XPNPEP1: variants seen among roughly 807,000 people sequenced by gnomAD.
XPNPEP1 encodes X-prolyl aminopeptidase 1, also known as xaa-Pro aminopeptidase 1.
XPNPEP1 carries 39 observed loss-of-function variants against 92.4 expected under a neutral mutation model. The ratio of observed to expected loss-of-function variants is 0.42; its 90% confidence interval spans 0.33 to 0.55. XPNPEP1 has a LOEUF of 0.55. Among genes scored for constraint, XPNPEP1 ranks in the 20% least tolerant of loss-of-function variants. XPNPEP1 has a pLI of 0.08. For missense variants in XPNPEP1, 654 were observed against 856.1 expected, an observed-to-expected ratio of 0.76 and a Z score of 2.95; for synonymous variants, 307 against 299.4, an observed-to-expected ratio of 1.03 and a Z score of -0.26.
intron 3 of XPNPEP1, among the ~76,000 whole-genome samples, chr10:109,899,527 G>A (rs1200045995): frequency 3.3e-5 from 5 of 152,182 alleles, no homozygotes; most frequent in African/African-American, 9.7e-5. Flanking sequence ...CTGAAACTTC[G>A]AGATGTGTTA....
intron 8 of XPNPEP1, 121 bp from the exon 9 acceptor site, chr10:109,884,269 G>A: frequency 7.7e-6 from 7 of 912,580 alleles, no homozygotes; most frequent in South Asian, 1.7e-5. Context: ...CAGTGGAATC[G>A]CACAGAAAGG....
chr10:109,883,924 G>A, intron 9 of XPNPEP1, 143 bp downstream of exon 9: 1 of 737,840 alleles, frequency 1.4e-6, no homozygotes, highest in Non-Finnish European at 2.2e-6. Context: ...AGGAAAACAA[G>A]AAGGGAAAAT....
Position 109,880,206 on chromosome 10 carries a change from A to T in XPNPEP1, c.1164T>A (p.Phe388Leu). Residue 388 changes from phenylalanine to leucine, a missense_variant, in exon 12 of 21, where the codon TTT (phenylalanine) becomes TTA (leucine). By Grantham distance (22) the Phe-to-Leu change is conservative (BLOSUM62 0). Coordinates refer to ENST00000502935, the MANE Select transcript of XPNPEP1 (RefSeq NM_020383.4). ...AACCAACCTCTTTCTCCAGCCAGTT[A>T]AAGAGTTCACAGAGAGCAACAGCAT... ...IKDAVALCEL[F>L]NWLEKEVPKG... 1 of 1,614,060 alleles carries T rather than the reference A, an allele frequency of 6.2e-7. No individual in the cohort carries two copies. Among genetic ancestry groups the T allele is most frequent in the East Asian group, 2.2e-5 (1 of 44,892 alleles).
At chr10:109,892,722 T>C (rs137998045) in intron 4 of XPNPEP1, 305 of 362,230 alleles carry the variant, frequency 8.4e-4, no homozygotes, top group East Asian at 5.9e-3. Context: ...GTTTAATTGA[T>C]AGAACTTTTA....
rs1847064156 is a variant in XPNPEP1 at position 109,865,186 on chromosome 10, A to C, written c.1999T>G (p.Ter667GluextTer1). The change falls in exon 21 of 21, where the codon TAA becomes GAA. Residue 667 changes from the stop codon to glutamate, a stop_lost. Coordinates refer to ENST00000502935, the MANE Select transcript of XPNPEP1 (RefSeq NM_020383.4). ...AAACAAAACCGGGGAGGTATTTATT[A>C]ATGCTGTTTGGAGATGGGTTGCGTC... ...RETQPISKQH[*>E] The C allele has an allele frequency of 6.2e-7, 1 of 1,614,140 alleles. No individual in the cohort carries two copies.
chr10:109,873,242 C>A, intron 16 of XPNPEP1, 125 bp downstream of exon 16: 1 of 1,115,394 alleles, frequency 9.0e-7, no homozygotes, highest in Non-Finnish European at 1.3e-6. Context: ...CCTGACTCCA[C>A]AGCAAGGAGC....
Position 109,893,014 on chromosome 10 carries a change from G to GAGACAAATC in XPNPEP1, c.307_308insGATTTGTCT (p.Ala103delinsGlyPheValSer). 6.2e-7 allele frequency: 1 copy of GAGACAAATC among 1,613,438 alleles called. No individual in the cohort carries two copies. Among genetic ancestry groups the GAGACAAATC allele is most frequent in the Non-Finnish European group, 8.5e-7 (1 of 1,179,706 alleles). On this transcript the variant is annotated protein_altering_variant, in exon 4 of 21. Coordinates refer to ENST00000502935, the MANE Select transcript of XPNPEP1 (RefSeq NM_020383.4). ...ACAGAGAAAAAGTAGTGACTCACCC[G>GAGACAAATC]CAGAGCCATCGAATCCAGAGACAAA...
chr10:109,914,999 C>T lies in XPNPEP1; in HGVS notation c.121+12G>A. Reference sequence around the variant, plus strand: ...ACAGATGTTCCATCTAATTTCCAGACAAAATTATTACCTGTTTCCACACCT... The same window carrying T: ...ACAGATGTTCCATCTAATTTCCAGATAAAATTATTACCTGTTTCCACACCT... On this transcript the variant is annotated intron_variant, in intron 2 of 20. Transcript: ENST00000502935. 6.7e-7 allele frequency: 1 copy of T among 1,499,622 alleles called. No individual in the cohort carries two copies. The highest frequency in any genetic ancestry group is 1.3e-5 in the South Asian group (1 of 78,568). 92.9% of individuals were successfully genotyped at this position (1,499,622 alleles called of 1,614,324 possible). A position where few individuals can be genotyped will look rare whatever the true frequency, so the allele number is the denominator to read the frequency against.
intron 3 of XPNPEP1, among the ~76,000 whole-genome samples, chr10:109,902,854 T>C (rs1849358322): frequency 6.6e-6 from 1 of 152,244 alleles, no homozygotes; most frequent in South Asian, 2.1e-4. Context: ...AATTCTGATA[T>C]TGCAGGATCA....
At chr10:109,914,583 G>A (rs776774131) in intron 2 of XPNPEP1, among the ~76,000 whole-genome samples, 1 of 152,122 alleles carries the variant, frequency 6.6e-6, no homozygotes, top group African/African-American at 2.4e-5. Flanking sequence ...GATCACCTGA[G>A]GTCGGGAGTT....
At chr10:109,917,657 C>T (rs1050192508) in intron 1 of XPNPEP1, among the ~76,000 whole-genome samples, 1 of 152,100 alleles carries the variant, frequency 6.6e-6, no homozygotes, top group Admixed American at 6.6e-5. Flanking sequence ...TGCAAGGGAC[C>T]CAGAATAGCC....
At chr10:109,904,746 C>G (rs1849464024) in intron 3 of XPNPEP1, among the ~76,000 whole-genome samples, 4 of 152,026 alleles carry the variant, frequency 2.6e-5, no homozygotes, top group African/African-American at 9.7e-5. Flanking sequence ...CACCTCACAA[C>G]AAAACAAAAA....
intron 2 of XPNPEP1, among the ~76,000 whole-genome samples, chr10:109,908,476 C>A (rs1392342360): frequency 6.6e-6 from 1 of 152,146 alleles, no homozygotes; most frequent in Non-Finnish European, 1.5e-5. Context: ...GTGGCACGTG[C>A]CTGTAGTCCC....
At chr10:109,874,986 A>G (rs1276341617) in intron 15 of XPNPEP1, among the ~76,000 whole-genome samples, 1 of 152,172 alleles carries the variant, frequency 6.6e-6, no homozygotes, top group Non-Finnish European at 1.5e-5. Context: ...TAATGCAGAC[A>G]GGGTCTATTC....
chr10:109,899,414 G>A (rs1384605749), intron 3 of XPNPEP1, among the ~76,000 whole-genome samples: 2 of 152,150 alleles, frequency 1.3e-5, no homozygotes, highest in Admixed American at 1.3e-4. Flanking sequence ...CTAGATCCCT[G>A]AATCACTTTC....
Position 109,888,509 on chromosome 10 carries a change from G to C in XPNPEP1, c.502C>G (p.Pro168Ala), listed in dbSNP as rs781523374. The change falls in exon 6 of 21, where the codon CCT (proline) becomes GCT (alanine). Residue 168 changes from proline to alanine, a missense_variant. Physicochemically the swap from Pro to Ala is conservative, Grantham distance 27. Coordinates refer to ENST00000502935, the MANE Select transcript of XPNPEP1 (RefSeq NM_020383.4). ...SRVGVDPLII[P>A]TDYWKKMAKV... The stretch of plus-strand genomic sequence containing the variant: ...AGGGACCAAGCTCACTTACCTGTAG[G>C]AATGATCAAGGGGTCCACACCAACC... 1.2e-6 allele frequency: 2 copies of C among 1,610,012 alleles called. No homozygotes were observed. Among genetic ancestry groups the C allele is most frequent in the African/African-American group, 1.3e-5 (1 of 74,812 alleles).
In XPNPEP1 at chr10:109,888,380, C is replaced by T. The variant is rs1325684334; in HGVS notation, c.508+123G>A. ...GGAACTCTTCTCTTCACCCTGACCT[C>T]TACTATAAAATCAGTCATGCTGAGC... On this transcript the variant is annotated intron_variant, in intron 6 of 20. Transcript: ENST00000502935. 6 of 1,237,904 alleles carry T rather than the reference C, an allele frequency of 4.8e-6. No homozygotes were observed. In the African/African-American group the frequency reaches 7.6e-5, roughly 16 times the overall value. 76.7% of individuals were successfully genotyped at this position (1,237,904 alleles called of 1,614,324 possible).
At chr10:109,922,401 C>G (rs527443522) in intron 1 of XPNPEP1, among the ~76,000 whole-genome samples, 42 of 152,352 alleles carry the variant, frequency 2.8e-4, no homozygotes, top group Admixed American at 1.2e-3. Flanking sequence ...CAGCACTTCA[C>G]TTACAGGAAG....
In XPNPEP1 at chr10:109,867,750, C is replaced by T. The variant is rs1214961982; in HGVS notation, c.1872+864G>A. 2.6e-5 allele frequency among the ~76,000 whole-genome samples: 4 copies of T among 152,234 alleles called. No homozygotes were observed. The highest frequency in any genetic ancestry group is 6.5e-5 in the Admixed American group (1 of 15,288). On this transcript the variant is annotated intron_variant, in intron 20 of 20. Coordinates refer to ENST00000502935, the MANE Select transcript of XPNPEP1 (RefSeq NM_020383.4). The surrounding 1 kb of genome is among the most constrained non-coding windows in gnomAD (Gnocchi z 4.5). ...TATTCTTATTCCGAGAGTAACCCAC[C>T]GTGCTTACCCTGCCTTCGGCTCCCA...
Sources: gnomAD v4.1 joint callset for allele counts (sites outside exome capture counted in the v4.1 genomes callset) on GRCh38, gnomAD v4.1.1 for gene constraint, Gnocchi (gnomAD v3.1) non-coding constraint, MANE v1.5 for transcripts, NCBI Gene and HGNC (gene_info 2026-07-23, HGNC 2026-07-21) for gene names.